CADM2: variants seen among roughly 807,000 people sequenced by gnomAD.
CADM2 encodes immunoglobulin superfamily member 4D.
A neutral mutation model predicts 49.8 loss-of-function variants in CADM2; 12 were observed. That is an observed-to-expected ratio of 0.24 (90% confidence interval 0.15 to 0.39). The LOEUF is 0.39. Ranked by LOEUF, CADM2 falls within the 10% of genes least tolerant of loss-of-function variation. The pLI is 1.00. For missense variants in CADM2, 378 were observed against 492.3 expected (o/e 0.77, Z 2.20); for synonymous variants, 214 against 175.4 (o/e 1.22, Z -1.74).
At chr3:85,556,349 G>C (rs1244617851) in intron 1 of CADM2, among the ~76,000 whole-genome samples, 1 of 152,084 alleles carries the variant, frequency 6.6e-6, no homozygotes, top group African/African-American at 2.4e-5. Context: ...TAGTCTTGCT[G>C]TCTCAAAGGT....
chr3:84,959,149 G>T lies in CADM2; in HGVS notation c.-459G>T, dbSNP rs905718936. The T allele has an allele frequency of 4.9e-5, 9 of 183,530 alleles. No homozygotes were observed. The highest frequency in any genetic ancestry group is 9.1e-5 in the Non-Finnish European group (8 of 87,982). 11.4% of individuals were successfully genotyped at this position (183,530 alleles called of 1,614,324 possible). On this transcript the variant is annotated 5_prime_UTR_variant, in exon 1 of 10. Transcript: ENST00000383699. ...CCCAGGACCCCGAGACACCCCGGGCGCGAGCGGCAGTGCTGCTTGCTTGCT... is the reference window on the plus strand; with the variant it reads ...CCCAGGACCCCGAGACACCCCGGGCTCGAGCGGCAGTGCTGCTTGCTTGCT...
At chr3:85,921,392 A>G (rs1719092734) in intron 6 of CADM2, among the ~76,000 whole-genome samples, 1 of 151,966 alleles carries the variant, frequency 6.6e-6, no homozygotes, top group South Asian at 2.1e-4. Context: ...TAATAAATCA[A>G]TGTATTAGAC....
At chr3:85,835,593 A>G (rs1463117987) in intron 3 of CADM2, among the ~76,000 whole-genome samples, 1 of 150,856 alleles carries the variant, frequency 6.6e-6, no homozygotes, top group East Asian at 1.9e-4. Context: ...TGTTTTTCCT[A>G]AAGAGCCCCA....
chr3:85,012,017 T>C (rs1484779632), intron 1 of CADM2, among the ~76,000 whole-genome samples: 2 of 151,910 alleles, frequency 1.3e-5, no homozygotes, highest in Non-Finnish European at 1.5e-5. Flanking sequence ...TTCCACACTT[T>C]ATTTAAACTA....
intron 1 of CADM2, among the ~76,000 whole-genome samples, chr3:85,135,389 G>A (rs1267514878): frequency 6.6e-6 from 1 of 151,932 alleles, no homozygotes; most frequent in East Asian, 1.9e-4. Flanking sequence ...ATAATGAGGG[G>A]TACTTCGGTT....
rs550698382 is a variant in CADM2, at chr3:85,321,798, T to C, written c.61+362130T>C. On this transcript the variant is annotated intron_variant, in intron 1 of 9. Transcript: ENST00000383699. ...ACATTACAGATTAATAGGCACTAAA[T>C]AAAATACAAACATCTTTAATTTTAG... 6.6e-5 allele frequency among the ~76,000 whole-genome samples: 10 copies of C among 152,298 alleles called. No individual in the cohort carries two copies. In the South Asian group the frequency reaches 2.1e-3, roughly 32 times the overall value.
At chr3:85,462,779 CTGTCT>C (rs1337834105) in intron 1 of CADM2, among the ~76,000 whole-genome samples, 7 of 152,276 alleles carry the variant, frequency 4.6e-5, no homozygotes, top group African/African-American at 1.4e-4. Flanking sequence ...CTGAACTTTA[CTGTCT>C]TTGGTATATA....
At chr3:85,101,894 G>C (rs1056714531) in intron 1 of CADM2, among the ~76,000 whole-genome samples, 2 of 152,116 alleles carry the variant, frequency 1.3e-5, no homozygotes, top group Non-Finnish European at 2.9e-5. Context: ...GGCAGGTTGT[G>C]CATGTTAAGA....
chr3:85,060,295 T>G (rs905024573), intron 1 of CADM2, among the ~76,000 whole-genome samples: 1 of 151,932 alleles, frequency 6.6e-6, no homozygotes, highest in African/African-American at 2.4e-5. Flanking sequence ...CCTGGCTAAT[T>G]TTTTGTATTT....
At chr3:85,043,292 T>G (rs1004028665) in intron 1 of CADM2, among the ~76,000 whole-genome samples, 4 of 151,936 alleles carry the variant, frequency 2.6e-5, no homozygotes, top group African/African-American at 9.7e-5. Flanking sequence ...CTCATTTTCT[T>G]CAGCTTGAAA....
intron 1 of CADM2, among the ~76,000 whole-genome samples, chr3:85,405,504 T>C (rs1439917343): frequency 6.6e-6 from 1 of 152,188 alleles, no homozygotes; most frequent in African/African-American, 2.4e-5. Flanking sequence ...CTCTCTGTGA[T>C]ACTGCTCCTC....
rs527527486 is a variant in CADM2 at position 85,669,104 on chromosome 3, C to G, written c.62-57418C>G. Among the ~76,000 whole-genome samples the G allele has an allele frequency of 5.3e-5, 8 of 152,086 alleles. No individual in the cohort carries two copies. In the East Asian group the frequency reaches 1.5e-3, roughly 29 times the overall value. ...TTTAAACTTGTTTACTGTACCTGTTCCTACCCTCAACTTCATTTCCCATCA... is the reference window on the plus strand; with the variant it reads ...TTTAAACTTGTTTACTGTACCTGTTGCTACCCTCAACTTCATTTCCCATCA... On this transcript the variant is annotated intron_variant, in intron 1 of 9. Coordinates refer to ENST00000383699, the MANE Select transcript of CADM2 (RefSeq NM_001167675.2).
chr3:84,959,768 C>A, intron 1 of CADM2, 100 bp downstream of exon 1: 1 of 1,159,606 alleles, frequency 8.6e-7, no homozygotes, highest in Non-Finnish European at 1.2e-6. Flanking sequence ...GTCTCCCTGT[C>A]CCCAGCGATT....
intron 1 of CADM2, among the ~76,000 whole-genome samples, chr3:85,288,178 T>G (rs1369642869): frequency 2.0e-5 from 3 of 152,128 alleles, no homozygotes; most frequent in Non-Finnish European, 4.4e-5. Context: ...CTTTCTGAAC[T>G]TGTTTCCTTC....
chr3:85,844,540 A>G (rs2074792994), intron 3 of CADM2, among the ~76,000 whole-genome samples: 1 of 152,174 alleles, frequency 6.6e-6, no homozygotes, highest in Non-Finnish European at 1.5e-5. Context: ...CTTTCTGTTC[A>G]GTCATATTTG....
At chr3:85,357,218 T>C (rs1310228040) in intron 1 of CADM2, among the ~76,000 whole-genome samples, 2 of 152,116 alleles carry the variant, frequency 1.3e-5, no homozygotes, top group Non-Finnish European at 2.9e-5. Context: ...TCGCCCTTAC[T>C]AGCAAACTGT....
At chr3:85,748,145 A>C (rs1235818444) in intron 2 of CADM2, among the ~76,000 whole-genome samples, 2 of 152,142 alleles carry the variant, frequency 1.3e-5, no homozygotes, top group African/African-American at 4.8e-5. Context: ...CCATTAGTAG[A>C]AAAAGAAGAT....
chr3:85,636,466 A>T (rs2064490371), intron 1 of CADM2, among the ~76,000 whole-genome samples: 1 of 152,244 alleles, frequency 6.6e-6, no homozygotes, highest in Non-Finnish European at 1.5e-5. Flanking sequence ...AATTTTAAAA[A>T]ATTAGAAATG....
chr3:84,984,625 A>C (rs1044683913), intron 1 of CADM2, among the ~76,000 whole-genome samples: 1 of 151,854 alleles, frequency 6.6e-6, no homozygotes, highest in African/African-American at 2.4e-5. Context: ...AGGTCAGGTT[A>C]CTTTTCCCTT....
Sources: gnomAD v4.1 joint callset for allele counts (sites outside exome capture counted in the v4.1 genomes callset) on GRCh38, gnomAD v4.1.1 for gene constraint, MANE v1.5 for transcripts, NCBI Gene and HGNC (gene_info 2026-07-23, HGNC 2026-07-21) for gene names.